METTL9: variants seen among roughly 807,000 people sequenced by gnomAD.
METTL9 encodes the protein protein-L-histidine N-pros-methyltransferase.
A neutral mutation model predicts 36.0 loss-of-function variants in METTL9; 10 were observed. The ratio of observed to expected loss-of-function variants is 0.28; its 90% confidence interval spans 0.17 to 0.47. The LOEUF is 0.47. METTL9 is among the 20% of genes least tolerant of loss of function. METTL9 has a pLI of 0.99. For missense variants in METTL9, 246 were observed against 383.5 expected, an observed-to-expected ratio of 0.64 and a Z score of 3.00; for synonymous variants, 175 against 149.7, an observed-to-expected ratio of 1.17 and a Z score of -1.23.
chr16:21,611,335 C>CATTA (rs1476427388), intron 1 of METTL9, among the ~76,000 whole-genome samples: 3 of 152,124 alleles, frequency 2.0e-5, no homozygotes, highest in African/African-American at 7.2e-5. Flanking sequence ...TTTCACTGAA[C>CATTA]ATTAGTAAGC....
upstream of METTL9, chr16:21,599,366 C>A (rs962888172): frequency 2.9e-5 from 30 of 1,032,164 alleles, no homozygotes; most frequent in Admixed American, 5.8e-4. The surrounding 1 kb of genome is among the most constrained non-coding windows in gnomAD (Gnocchi z 4.4). Flanking sequence ...GAGGCCAAGG[C>A]AGGGCCGGGA....
At position 21,657,343 on chromosome 16, in the gene METTL9, A is replaced by G. The variant is rs1966733091; in HGVS notation, c.*1911A>G. On this transcript the variant is annotated 3_prime_UTR_variant, in exon 5 of 5. Transcript: ENST00000358154. ...CTCACATTTCCTATCGGGTCTTGAA[A>G]TTCTTGGTGGTGTGTCACCATTCCA... 1 of 152,144 alleles carries G rather than the reference A, an allele frequency of 6.6e-6. No individual in the cohort carries two copies. The highest frequency in any genetic ancestry group is 1.5e-5 in the Non-Finnish European group (1 of 68,020). The allele number at this position is 152,144 out of a possible 1,614,324, so 9.4% of individuals were successfully genotyped here.
intron 2 of METTL9, among the ~76,000 whole-genome samples, chr16:21,615,876 C>G (rs1048142122): frequency 6.6e-6 from 1 of 152,128 alleles, no homozygotes; most frequent in African/African-American, 2.4e-5. Flanking sequence ...AGGATTAAAA[C>G]AACTTGTCTT....
chr16:21,613,591 C>T (rs1222210322), intron 2 of METTL9, among the ~76,000 whole-genome samples: 3 of 152,116 alleles, frequency 2.0e-5, no homozygotes, highest in African/African-American at 2.4e-5. Context: ...GAGGGCTTTA[C>T]GCCCTTAGGC....
chr16:21,633,333 C>T (rs1305576359), intron 4 of METTL9, among the ~76,000 whole-genome samples: 2 of 152,142 alleles, frequency 1.3e-5, no homozygotes, highest in Admixed American at 6.5e-5. Context: ...CCTGCTGGCA[C>T]GAGGCTTCTG....
chr16:21,635,632 A>G (rs975987567), intron 4 of METTL9, among the ~76,000 whole-genome samples: 12 of 152,080 alleles, frequency 7.9e-5, no homozygotes, highest in Non-Finnish European at 1.2e-4. Context: ...GAGAGAGAAT[A>G]TTGGGGCTAG....
At chr16:21,635,243 C>T (rs1177985537) in intron 4 of METTL9, among the ~76,000 whole-genome samples, 1 of 152,086 alleles carries the variant, frequency 6.6e-6, no homozygotes, top group Non-Finnish European at 1.5e-5. Context: ...GAGAAGGGGA[C>T]ATGTACTCAG....
intron 4 of METTL9, among the ~76,000 whole-genome samples, chr16:21,638,383 C>T (rs889202180): frequency 6.6e-6 from 1 of 152,126 alleles, no homozygotes; most frequent in Non-Finnish European, 1.5e-5. Context: ...ACAATTAGTA[C>T]TGTTGGGGTT....
intron 4 of METTL9, among the ~76,000 whole-genome samples, chr16:21,637,843 C>T (rs1322928521): frequency 2.0e-5 from 3 of 152,250 alleles, no homozygotes; most frequent in Admixed American, 6.5e-5. Flanking sequence ...TCCTTGAGTG[C>T]GGTCAGAGCG....
At chr16:21,617,511 T>G (rs1271225690) in intron 2 of METTL9, among the ~76,000 whole-genome samples, 1 of 151,132 alleles carries the variant, frequency 6.6e-6, no homozygotes, top group Non-Finnish European at 1.5e-5. Context: ...GTAGATCACC[T>G]GAGGTCAGGA....
At chr16:21,646,090 G>A (rs1258023331) in intron 4 of METTL9, among the ~76,000 whole-genome samples, 2 of 152,094 alleles carry the variant, frequency 1.3e-5, no homozygotes, top group East Asian at 3.8e-4. Flanking sequence ...ACCCCAACAA[G>A]GCGAGGAGTT....
At position 21,612,623 on chromosome 16, in the gene METTL9, CTTTTT is replaced by C. The variant is rs576885895; in HGVS notation, c.166-7_166-3del. On this transcript the variant is annotated splice_polypyrimidine_tract_variant and intron_variant, in intron 1 of 4. Coordinates refer to ENST00000358154, the MANE Select transcript of METTL9 (RefSeq NM_016025.5). ...TCGGTTGTGTGTTTTAATTTTTGTTCTTTTTTTTTTTTTTTTTTTAGTGGTATGTG... is the reference window on the plus strand; with the variant it reads ...TCGGTTGTGTGTTTTAATTTTTGTTCTTTTTTTTTTTTTTAGTGGTATGTG... 66 of 1,249,722 alleles carry C rather than the reference CTTTTT, an allele frequency of 5.3e-5. No homozygotes were observed. Among genetic ancestry groups the C allele is most frequent in the Middle Eastern group, 2.4e-4 (1 of 4,154 alleles). The allele number at this position is 1,249,722 out of a possible 1,614,324, so 77.4% of individuals were successfully genotyped here.
chr16:21,616,393 A>G (rs889142459), intron 2 of METTL9, among the ~76,000 whole-genome samples: 1 of 152,178 alleles, frequency 6.6e-6, no homozygotes, highest in Non-Finnish European at 1.5e-5. Context: ...ACTTCATTTA[A>G]AGAAAGGGTT....
chr16:21,618,239 C>A (rs983527807), intron 3 of METTL9, among the ~76,000 whole-genome samples, 165 bp downstream of exon 3: 1 of 151,894 alleles, frequency 6.6e-6, no homozygotes, highest in African/African-American at 2.4e-5. Flanking sequence ...TTTTCTGGAG[C>A]GGAGGGGTTG....
At chr16:21,630,964 A>G (rs1209808054) in intron 4 of METTL9, among the ~76,000 whole-genome samples, 1 of 152,098 alleles carries the variant, frequency 6.6e-6, no homozygotes, top group East Asian at 1.9e-4. Flanking sequence ...TTAGTGTAAA[A>G]ACAACACTCT....
intron 4 of METTL9, among the ~76,000 whole-genome samples, chr16:21,634,375 T>G (rs1299321064): frequency 6.6e-6 from 1 of 152,180 alleles, no homozygotes; most frequent in Non-Finnish European, 1.5e-5. Flanking sequence ...TCTGGGGCAG[T>G]GCACCTTCCA....
intron 1 of METTL9, among the ~76,000 whole-genome samples, chr16:21,605,796 A>G (rs1176746656): frequency 6.6e-6 from 1 of 152,082 alleles, no homozygotes; most frequent in Non-Finnish European, 1.5e-5. Context: ...CTAATTTTCC[A>G]TCACCAAGTG....
chr16:21,649,358 C>A (rs1207404140), intron 4 of METTL9, among the ~76,000 whole-genome samples: 1 of 152,082 alleles, frequency 6.6e-6, no homozygotes, highest in Admixed American at 6.6e-5. Flanking sequence ...TCTGTGGTGA[C>A]CTGATAAATG....
At chr16:21,654,247 G>A (rs1176454323) in intron 4 of METTL9, 1 of 151,892 alleles carries the variant, frequency 6.6e-6, no homozygotes, top group Admixed American at 6.6e-5. Context: ...GGGTTTCACT[G>A]TGTTAGTCAG....
Sources: allele counts gnomAD v4.1 joint callset (sites outside exome capture counted in the v4.1 genomes callset), GRCh38; gene constraint gnomAD v4.1.1; non-coding constraint Gnocchi (gnomAD v3.1); transcripts MANE v1.5; gene names NCBI Gene and HGNC (gene_info 2026-07-23, HGNC 2026-07-21).